ZNF264: variants seen among roughly 807,000 people sequenced by gnomAD.
The protein encoded by ZNF264 is zinc finger protein 264.
A neutral mutation model predicts 11.2 loss-of-function variants in ZNF264; 11 were observed. The observed-to-expected ratio is 0.98, with a 90% CI of 0.62 to 1.63. ZNF264 has a LOEUF of 1.63. Among genes scored for constraint, ZNF264 ranks in the 40% most tolerant of loss-of-function variants. The pLI is 0.00. For missense variants in ZNF264, 752 were observed against 768.1 expected, an observed-to-expected ratio of 0.98 and a Z score of 0.25; for synonymous variants, 309 against 279.8, an observed-to-expected ratio of 1.10 and a Z score of -1.04.
rs997959408 is a variant in ZNF264, at chr19:57,199,726, G to T, written c.161-5671G>T. Among the ~76,000 whole-genome samples the T allele has an allele frequency of 4.7e-4, 72 of 151,792 alleles. 1 individual carries two copies. Among genetic ancestry groups the T allele is most frequent in the Admixed American group, 4.7e-3 (72 of 15,236 alleles). On this transcript the variant is annotated intron_variant, in intron 2 of 3. Coordinates refer to ENST00000263095, the MANE Select transcript of ZNF264 (RefSeq NM_003417.5). ...TCAAGTGTAGCTCACCTCCCCATGG[G>T]TCACACTCTGAACCTCACTTCTGTG...
rs1316613107 is a variant in ZNF264 at position 57,211,804 on chromosome 19, G to T, written c.707G>T (p.Cys236Phe). ...GTTAAGCCCTATGAATGCACAGAAT[G>T]TGGGAAAACCTTTATTAAGAGCACA... ...SGVKPYECTE[C>F]GKTFIKSTHL... is the part of the protein sequence containing the mutation. Residue 236 changes from cysteine to phenylalanine, a missense_variant, in exon 4 of 4, where the codon TGT (cysteine) becomes TTT (phenylalanine). Coordinates refer to ENST00000263095, the MANE Select transcript of ZNF264 (RefSeq NM_003417.5). 1 of 1,614,236 alleles carries T rather than the reference G, an allele frequency of 6.2e-7. No individual in the cohort carries two copies. Among genetic ancestry groups the T allele is most frequent in the Admixed American group, 1.7e-5 (1 of 60,028 alleles).
chr19:57,192,269 C>G, intron 1 of ZNF264: 1 of 921,368 alleles, frequency 1.1e-6, no homozygotes, highest in Non-Finnish European at 1.3e-6. Context: ...AGGGCAGTAG[C>G]AAGCCGACAA....
chr19:57,198,794 C>A (rs1349759684), intron 2 of ZNF264, among the ~76,000 whole-genome samples: 3 of 151,886 alleles, frequency 2.0e-5, no homozygotes, highest in African/African-American at 7.3e-5. Context: ...AGCCAGAGGT[C>A]TCCTTAGGGA....
At chr19:57,204,210 T>A (rs1217902372) in intron 2 of ZNF264, among the ~76,000 whole-genome samples, 1 of 129,020 alleles carries the variant, frequency 7.8e-6, no homozygotes, top group Non-Finnish European at 1.6e-5. Context: ...AGAGCGAGAC[T>A]CCGTCTCAAA....
In ZNF264 at chr19:57,214,301, T is replaced by TA. The variant is rs2087363583; in HGVS notation, c.*1321dup. Reference sequence around the variant, plus strand: ...TAGGAATAGTGAGAAAGGCCATCCTTACCTGGTTCCTGATAGTAGGGGGGA... The same window carrying TA: ...TAGGAATAGTGAGAAAGGCCATCCTTAACCTGGTTCCTGATAGTAGGGGGGA... On this transcript the variant is annotated 3_prime_UTR_variant, in exon 4 of 4. Transcript: ENST00000263095. 1 of 152,240 alleles carries TA rather than the reference T, an allele frequency of 6.6e-6. No individual in the cohort carries two copies. The highest frequency in any genetic ancestry group is 1.5e-5 in the Non-Finnish European group (1 of 68,062). 9.4% of individuals were successfully genotyped at this position (152,240 alleles called of 1,614,324 possible). A position where few individuals can be genotyped will look rare whatever the true frequency, so the allele number is the denominator to read the frequency against.
rs746101539 is a variant in ZNF264, at chr19:57,212,512, G to A, written c.1415G>A (p.Arg472His). The A allele has an allele frequency of 1.7e-5, 27 of 1,612,902 alleles. No individual in the cohort carries two copies. The highest frequency in any genetic ancestry group is 6.7e-5 in the East Asian group (3 of 44,788). ...TTTAGCAATCGGAAGGACCTCATTC[G>A]CCACTTCAGCATCCACACTGGAGAG... ...KAFSNRKDLI[R>H]HFSIHTGEKP... The change falls in exon 4 of 4, where the codon CGC (arginine) becomes CAC (histidine). Residue 472 changes from arginine to histidine, a missense_variant. Coordinates refer to ENST00000263095, the MANE Select transcript of ZNF264 (RefSeq NM_003417.5).
In ZNF264 at chr19:57,222,165, A is replaced by G. The variant is rs1043791879; in HGVS notation, c.*9184A>G. ...GGAGTTTGAGACCAGCCTAGCCAAC[A>G]TGGTGAAATCCCATCTCTACAAAAA... On this transcript the variant is annotated 3_prime_UTR_variant, in exon 4 of 4. Transcript: ENST00000263095. 2 of 152,038 alleles carry G rather than the reference A, an allele frequency of 1.3e-5. No individual in the cohort carries two copies. The highest frequency in any genetic ancestry group is 4.8e-5 in the African/African-American group (2 of 41,382). 9.4% of individuals were successfully genotyped at this position (152,038 alleles called of 1,614,324 possible).
At position 57,212,935 on chromosome 19, in the gene ZNF264, C is replaced by G. The variant is rs1226717608; in HGVS notation, c.1838C>G (p.Ser613Cys). The G allele has an allele frequency of 1.2e-6, 2 of 1,613,816 alleles. No homozygotes were observed. The change falls in exon 4 of 4, where the codon TCT becomes TGT. Residue 613 changes from serine (S) to cysteine (C), a missense_variant. By Grantham distance (112) the Ser-to-Cys change is moderately radical (BLOSUM62 -1). Transcript: ENST00000263095. The stretch of plus-strand genomic sequence containing the variant: ...CCAGAGGAAACATCTTCCTCTGCAT[C>G]TGATCAACCATACCAAAGAGAAACC... ...ILPEETSSSA[S>C]DQPYQRETPQ...
intron 2 of ZNF264, among the ~76,000 whole-genome samples, chr19:57,199,473 G>T (rs1405751032): frequency 4.0e-5 from 6 of 151,782 alleles, no homozygotes; most frequent in Non-Finnish European, 7.4e-5. Flanking sequence ...CACCCATGAT[G>T]GGCCATCTTT....
chr19:57,192,670 G>C, intron 1 of ZNF264: 1 of 617,540 alleles, frequency 1.6e-6, no homozygotes, highest in Non-Finnish European at 2.0e-6. Context: ...AGTAGATGCA[G>C]CCCTTCCAGT....
intron 2 of ZNF264, among the ~76,000 whole-genome samples, chr19:57,200,551 G>GTCTTGTT (rs11281739): frequency 7.6e-6 from 1 of 131,918 alleles, no homozygotes; most frequent in African/African-American, 3.6e-5. Context: ...TGTCTCTTGT[G>GTCTTGTT]TCTTGTGTCT....
At position 57,220,362 on chromosome 19, in the gene ZNF264, T is replaced by G. The variant is rs2087408692; in HGVS notation, c.*7381T>G. Reference sequence around the variant, plus strand: ...GTAACTATGTAGAAGATACAGTGTCTGGGTTTGAGGACAGGGGAGTGGGAA... The same window carrying G: ...GTAACTATGTAGAAGATACAGTGTCGGGGTTTGAGGACAGGGGAGTGGGAA... On this transcript the variant is annotated 3_prime_UTR_variant, in exon 4 of 4. Transcript: ENST00000263095. 1 of 152,222 alleles carries G rather than the reference T, an allele frequency of 6.6e-6. No homozygotes were observed. Among genetic ancestry groups the G allele is most frequent in the Admixed American group, 6.5e-5 (1 of 15,276 alleles). 9.4% of individuals were successfully genotyped at this position (152,222 alleles called of 1,614,324 possible). A position where few individuals can be genotyped will look rare whatever the true frequency, so the allele number is the denominator to read the frequency against.
In ZNF264 at chr19:57,214,750, CTG is replaced by C. The variant is rs933565549; in HGVS notation, c.*1773_*1774del. ...CCTCTGTTCCCAGTTTTCTGAGACT[CTG>C]TGTTGCTATGAATAAGTGTGGAATT... is the stretch of plus-strand genomic sequence containing the variant. On this transcript the variant is annotated 3_prime_UTR_variant, in exon 4 of 4. Transcript: ENST00000263095. 9.8e-5 allele frequency: 15 copies of C among 152,296 alleles called. No homozygotes were observed. The highest frequency in any genetic ancestry group is 4.6e-4 in the Admixed American group (7 of 15,298). The allele number at this position is 152,296 out of a possible 1,614,324, so 9.4% of individuals were successfully genotyped here.
At position 57,211,757 on chromosome 19, in the gene ZNF264, A is replaced by G. The variant is rs759355159; in HGVS notation, c.660A>G (p.Gly220=). ...TTAACAAGAAACACCTCCTTGCTGG[A>G]CATGAGAAAATTCACTCTGGAGTTA... ...KVFNKKHLLA[G]HEKIHSGVKP... is the part of the protein sequence containing the mutation. Residue 220 remains glycine (G), a synonymous_variant, in exon 4 of 4, where the codon GGA becomes GGG. Coordinates refer to ENST00000263095, the MANE Select transcript of ZNF264 (RefSeq NM_003417.5). 3 of 1,614,206 alleles carry G rather than the reference A, an allele frequency of 1.9e-6. No homozygotes were observed. The highest frequency in any genetic ancestry group is 2.5e-6 in the Non-Finnish European group (3 of 1,180,030).
intron 2 of ZNF264, among the ~76,000 whole-genome samples, chr19:57,203,094 G>A (rs528672024): frequency 1.3e-5 from 2 of 150,824 alleles, no homozygotes; most frequent in Admixed American, 1.3e-4. Flanking sequence ...CATGATTAGA[G>A]AGAGTTTTCC....
intron 2 of ZNF264, among the ~76,000 whole-genome samples, chr19:57,200,431 A>G (rs1599947696): frequency 6.9e-6 from 1 of 145,566 alleles, no homozygotes; most frequent in Admixed American, 6.8e-5. Flanking sequence ...ACATAGTGAG[A>G]CCCTGTCTCT....
rs754345692 is a variant in ZNF264, at chr19:57,212,937, G to T, written c.1840G>T (p.Asp614Tyr). The T allele has an allele frequency of 3.1e-6, 5 of 1,613,704 alleles. No homozygotes were observed. In the Admixed American group the frequency reaches 5.0e-5, roughly 16 times the overall value. ...AGAGGAAACATCTTCCTCTGCATCTGATCAACCATACCAAAGAGAAACCCC... is the reference window on the plus strand; with the variant it reads ...AGAGGAAACATCTTCCTCTGCATCTTATCAACCATACCAAAGAGAAACCCC... ...LPEETSSSAS[D>Y]QPYQRETPQV... is the part of the protein sequence containing the mutation. Residue 614 changes from aspartate (D) to tyrosine (Y), a missense_variant, in exon 4 of 4, where the codon GAT (aspartate) becomes TAT (tyrosine). Coordinates refer to ENST00000263095, the MANE Select transcript of ZNF264 (RefSeq NM_003417.5).
intron 1 of ZNF264, chr19:57,192,385 G>T (rs1433726062): frequency 1.0e-6 from 1 of 985,272 alleles, no homozygotes; most frequent in Non-Finnish European, 1.2e-6. Context: ...GGGCAACAGT[G>T]TGTGGTCTTT....
In ZNF264 at chr19:57,216,990, A is replaced by G. The variant is rs917204936; in HGVS notation, c.*4009A>G. 4 of 152,108 alleles carry G rather than the reference A, an allele frequency of 2.6e-5. No individual in the cohort carries two copies. Among genetic ancestry groups the G allele is most frequent in the Admixed American group, 2.6e-4 (4 of 15,270 alleles). The allele number at this position is 152,108 out of a possible 1,614,324, so 9.4% of individuals were successfully genotyped here. ...GTTGAAAATACTATGTCAAATATGC[A>G]TTTAATACACCTACCCTGCTGAACA... On this transcript the variant is annotated 3_prime_UTR_variant, in exon 4 of 4. Coordinates refer to ENST00000263095, the MANE Select transcript of ZNF264 (RefSeq NM_003417.5).
Sources: allele counts gnomAD v4.1 joint callset (sites outside exome capture counted in the v4.1 genomes callset), GRCh38; gene constraint gnomAD v4.1.1; transcripts MANE v1.5; gene names NCBI Gene and HGNC (gene_info 2026-07-23, HGNC 2026-07-21).